ELP3: variants seen among roughly 807,000 people sequenced by gnomAD.
ELP3 encodes elongator acetyltransferase complex subunit 3, also known as elongator complex protein 3.
ELP3 carries 56 observed loss-of-function variants against 74.9 expected under a neutral mutation model. That is an observed-to-expected ratio of 0.75 (90% confidence interval 0.60 to 0.93). ELP3 has a LOEUF of 0.93. ELP3 is among the 40% of genes least tolerant of loss of function. The pLI, the probability that ELP3 is intolerant of heterozygous loss-of-function variation, is 0.00. For synonymous variants in ELP3, 222 were observed against 239.8 expected, an observed-to-expected ratio of 0.93 and a Z score of 0.68; for missense variants, 573 against 686.5, an observed-to-expected ratio of 0.83 and a Z score of 1.85.
chr8:28,108,520 C>T (rs370612063), intron 5 of ELP3, among the ~76,000 whole-genome samples: 34 of 143,290 alleles, frequency 2.4e-4, no homozygotes, highest in African/African-American at 7.9e-4. Context: ...TGCAGTGGCA[C>T]GATCTCCTTC....
intron 14 of ELP3, among the ~76,000 whole-genome samples, chr8:28,166,579 T>C (rs1004300049): frequency 1.3e-5 from 2 of 152,232 alleles, no homozygotes; most frequent in African/African-American, 4.8e-5. Flanking sequence ...GTGATCAGCA[T>C]TCTTTCCTTT....
intron 14 of ELP3, among the ~76,000 whole-genome samples, chr8:28,173,777 C>T (rs1241660323): frequency 1.3e-5 from 2 of 151,940 alleles, no homozygotes; most frequent in Non-Finnish European, 2.9e-5. Flanking sequence ...GTTTTTGCTG[C>T]ATCCTATAAG....
At chr8:28,182,725 G>A (rs17058696) in intron 14 of ELP3, among the ~76,000 whole-genome samples, 10,185 of 152,152 alleles carry the variant, frequency 0.067, 1,200 homozygotes, top group African/African-American at 0.23. Flanking sequence ...CCCAGGCTCC[G>A]GCATATGCAT....
intron 9 of ELP3, 103 bp from the exon 10 acceptor site, chr8:28,137,595 G>T: frequency 8.9e-7 from 1 of 1,128,394 alleles, no homozygotes; most frequent in South Asian, 1.4e-5. Flanking sequence ...GGCTGCCCCA[G>T]GGCCTACTGG....
chr8:28,156,610 T>A (rs1267786001), intron 11 of ELP3, among the ~76,000 whole-genome samples: 2 of 152,138 alleles, frequency 1.3e-5, no homozygotes, highest in African/African-American at 4.8e-5. Flanking sequence ...CTCAGGAACT[T>A]CTTAGAGCTG....
At chr8:28,137,939 T>C (rs757317387) in intron 10 of ELP3, 48 bp downstream of exon 10, 11 of 1,452,744 alleles carry the variant, frequency 7.6e-6, no homozygotes, top group Non-Finnish European at 1.0e-5. Context: ...CTAGTCTGTT[T>C]ACTATTTCTC....
intron 1 of ELP3, among the ~76,000 whole-genome samples, chr8:28,095,204 C>T (rs950384302): frequency 2.0e-5 from 3 of 152,192 alleles, no homozygotes; most frequent in East Asian, 1.9e-4. Flanking sequence ...CTTTAAAGAT[C>T]CCTGTGCCAT....
chr8:28,176,043 C>G (rs1333653522), intron 14 of ELP3, among the ~76,000 whole-genome samples: 1 of 152,050 alleles, frequency 6.6e-6, no homozygotes, highest in Non-Finnish European at 1.5e-5. Flanking sequence ...TCTCGAACTC[C>G]TGACCTCAAG....
At chr8:28,096,268 C>A (rs186377850) in intron 1 of ELP3, among the ~76,000 whole-genome samples, 9 of 152,318 alleles carry the variant, frequency 5.9e-5, no homozygotes, top group Non-Finnish European at 1.3e-4. Context: ...ATAATTATTT[C>A]ATTACATATA....
chr8:28,094,002 A>T (rs958830453), intron 1 of ELP3, among the ~76,000 whole-genome samples: 18 of 152,314 alleles, frequency 1.2e-4, no homozygotes, highest in African/African-American at 4.1e-4. Flanking sequence ...CTGTGACCTC[A>T]AAAAACATAA....
chr8:28,162,084 T>C lies in ELP3; in HGVS notation c.1567+6T>C. On this transcript the variant is annotated splice_donor_region_variant and intron_variant, in intron 14 of 14. Coordinates refer to ENST00000256398, the MANE Select transcript of ELP3 (RefSeq NM_018091.6). Reference sequence around the variant, plus strand: ...GAAAATCGCTGTGATATCAGGTAACTGGGGGAGGGCGAAGTTCATGATTCC... The same window carrying C: ...GAAAATCGCTGTGATATCAGGTAACCGGGGGAGGGCGAAGTTCATGATTCC... The C allele has an allele frequency of 1.9e-6, 3 of 1,613,990 alleles. No individual in the cohort carries two copies. Among genetic ancestry groups the C allele is most frequent in the Non-Finnish European group, 2.5e-6 (3 of 1,179,900 alleles).
At chr8:28,104,790 C>A (rs1033367486) in intron 3 of ELP3, among the ~76,000 whole-genome samples, 4 of 152,210 alleles carry the variant, frequency 2.6e-5, no homozygotes, top group Non-Finnish European at 5.9e-5. Flanking sequence ...GTGCTGTCCA[C>A]CAGACTTACC....
Position 28,138,404 on chromosome 8 carries a change from TCTCATTTACAATCAGGAACCTTATCTAC to T in ELP3, c.1100+516_1100+543del, listed in dbSNP as rs567129108. Among the ~76,000 whole-genome samples the T allele has an allele frequency of 1.3e-4, 20 of 152,272 alleles. No individual in the cohort carries two copies. The East Asian group carries it at 3.9e-3, about 29-fold the overall frequency. ...TCTTCCTAGAAAAGAGAAAGTAAGA[TCTCATTTACAATCAGGAACCTTATCTAC>T]CTATTTATACTTACATACATACATA... On this transcript the variant is annotated intron_variant, in intron 10 of 14. Transcript: ENST00000256398.
At chr8:28,098,773 T>C (rs1207928884) in intron 2 of ELP3, among the ~76,000 whole-genome samples, 1 of 152,206 alleles carries the variant, frequency 6.6e-6, no homozygotes, top group South Asian at 2.1e-4. Flanking sequence ...GCATTCCTGT[T>C]TTTGCATCTG....
chr8:28,104,891 G>A (rs1390742600), intron 3 of ELP3, among the ~76,000 whole-genome samples: 5 of 152,118 alleles, frequency 3.3e-5, no homozygotes, highest in Admixed American at 1.3e-4. Flanking sequence ...TTCTCATCAC[G>A]TACCCAGTTC....
chr8:28,119,686 C>T (rs1017597715), intron 7 of ELP3, among the ~76,000 whole-genome samples: 1 of 142,632 alleles, frequency 7.0e-6, no homozygotes, highest in Non-Finnish European at 1.5e-5. Context: ...TATACCTGTG[C>T]TACAAAGTCC....
At chr8:28,152,487 C>T (rs1311571490) in intron 10 of ELP3, among the ~76,000 whole-genome samples, 1 of 152,140 alleles carries the variant, frequency 6.6e-6, no homozygotes, top group Non-Finnish European at 1.5e-5. Context: ...TCCTTTGTCA[C>T]TTGTGCTTTG....
chr8:28,163,620 A>G (rs914183830), intron 14 of ELP3, among the ~76,000 whole-genome samples: 1 of 151,004 alleles, frequency 6.6e-6, no homozygotes, highest in Non-Finnish European at 1.5e-5. Flanking sequence ...GGCTCACTTG[A>G]TTGGTACTGT....
At position 28,160,353 on chromosome 8, in the gene ELP3, T is replaced by C. The variant is rs1563280302; in HGVS notation, c.1382T>C (p.Phe461Ser). The change falls in exon 13 of 15, where the codon TTC (phenylalanine) becomes TCC (serine). Residue 461 changes from phenylalanine to serine, a missense_variant. Coordinates refer to ENST00000256398, the MANE Select transcript of ELP3 (RefSeq NM_018091.6). ...LRLRKCSEET[F>S]RFELGGGVSI... Reference sequence around the variant, plus strand: ...TTACGCAAGTGTTCAGAAGAAACTTTCCGTTTCGAATTGGGTGGAGGTGTC... The same window carrying C: ...TTACGCAAGTGTTCAGAAGAAACTTCCCGTTTCGAATTGGGTGGAGGTGTC... 1.2e-6 allele frequency: 2 copies of C among 1,614,180 alleles called. No individual in the cohort carries two copies. Among genetic ancestry groups the C allele is most frequent in the Admixed American group, 1.7e-5 (1 of 60,020 alleles).
Sources: gnomAD v4.1 joint callset for allele counts (sites outside exome capture counted in the v4.1 genomes callset) on GRCh38, gnomAD v4.1.1 for gene constraint, MANE v1.5 for transcripts, NCBI Gene and HGNC (gene_info 2026-07-23, HGNC 2026-07-21) for gene names.